Variants in COL4A6 observed in about 807,000 individuals in gnomAD.
COL4A6 encodes collagen alpha-6(IV) chain.
In COL4A6, 59 loss-of-function variants were observed where a neutral mutation model predicts 126.7. That is an observed-to-expected ratio of 0.47 (90% CI 0.38 to 0.58). The LOEUF is 0.58. Ranked by LOEUF, COL4A6 falls within the 20% of genes least tolerant of loss-of-function variation. The pLI, the probability that COL4A6 is intolerant of heterozygous loss-of-function variation, is 0.00. For missense variants in COL4A6, 1,285 were observed against 1,337.3 expected, an observed-to-expected ratio of 0.96 and a Z score of 0.61; for synonymous variants, 547 against 496.6, an observed-to-expected ratio of 1.10 and a Z score of -1.35.
At chrX:108,416,267 A>G (rs917310028) in intron 2 of COL4A6, among the ~76,000 whole-genome samples, 1 of 111,717 alleles carries the variant, frequency 9.0e-6, no homozygotes, top group African/African-American at 3.3e-5. Context: ...ATGGAATAAT[A>G]ATATTATTTA....
intron 6 of COL4A6, chrX:108,213,804 T>C (rs2035778452): frequency 4.1e-6 from 1 of 246,256 alleles, no homozygotes; most frequent in Admixed American, 7.0e-5. Context: ...TGTGGGACCA[T>C]GTCAAATAGC....
At chrX:108,383,191 TAC>T (rs2040602150) in intron 2 of COL4A6, among the ~76,000 whole-genome samples, 1 of 110,188 alleles carries the variant, frequency 9.1e-6, no homozygotes. Context: ...CTGACCCAAC[TAC>T]AGAGTTATAA....
chrX:108,390,097 C>A (rs2040800672), intron 2 of COL4A6, among the ~76,000 whole-genome samples: 1 of 111,982 alleles, frequency 8.9e-6, no homozygotes, highest in Non-Finnish European at 1.9e-5. Context: ...CAGAGATACC[C>A]ACTTTTAGTC....
rs748759812 is a variant in COL4A6, at chrX:108,244,004, T to C, written c.145-22630A>G. Among the ~76,000 whole-genome samples, 5 of 112,206 alleles carry C rather than the reference T, an allele frequency of 4.5e-5. No individual in the cohort carries two copies. In the East Asian group the frequency reaches 1.4e-3, roughly 32 times the overall value. On this transcript the variant is annotated intron_variant, in intron 3 of 44. Coordinates refer to ENST00000334504, the MANE Select transcript of COL4A6 (RefSeq NM_033641.4). ...TTAGTTCTCTTCAGGAGAAACACTG[T>C]GGACAATGTTATTATTTGTATTTTC... is the stretch of plus-strand genomic sequence containing the variant.
Position 108,221,103 on chromosome X carries a change from A to C in COL4A6, c.279+137T>G, listed in dbSNP as rs374211560. ...ACAGGGCGAGACTCTGTCTCAAAAA[A>C]AAAAATGCAGAAATGCAGCCTGGCA... On this transcript the variant is annotated intron_variant, in intron 4 of 44. Coordinates refer to ENST00000334504, the MANE Select transcript of COL4A6 (RefSeq NM_033641.4). 3.1e-5 allele frequency: 28 copies of C among 914,944 alleles called. No individual in the cohort carries two copies. The African/African-American group carries it at 5.4e-4, about 18-fold the overall frequency. The allele number at this position is 914,944 out of a possible 1,213,427, so 75.4% of individuals were successfully genotyped here.
chrX:108,392,326 C>T (rs1236522417), intron 2 of COL4A6, among the ~76,000 whole-genome samples: 2 of 110,647 alleles, frequency 1.8e-5, no homozygotes, highest in Non-Finnish European at 3.8e-5. Flanking sequence ...GAAAAGATAA[C>T]CCACACAATG....
At chrX:108,292,307 A>G (rs780026825) in intron 3 of COL4A6, among the ~76,000 whole-genome samples, 4 of 112,444 alleles carry the variant, frequency 3.6e-5, no homozygotes, top group Non-Finnish European at 7.5e-5. Context: ...ACATATTTTC[A>G]TCTTCCAAAG....
chrX:108,351,436 CTCTCTCTG>C (rs1291779846), intron 2 of COL4A6, among the ~76,000 whole-genome samples: 953 of 82,231 alleles, frequency 0.012, 13 homozygotes, highest in African/African-American at 0.045. Flanking sequence ...AGGTAACTCT[CTCTCTCTG>C]TGTGTGTGTG....
At chrX:108,352,082 C>G (rs188224361) in intron 2 of COL4A6, among the ~76,000 whole-genome samples, 1 of 112,887 alleles carries the variant, frequency 8.9e-6, no homozygotes, top group Non-Finnish European at 1.9e-5. Context: ...CTGCCTGCGG[C>G]CTTTTCTTTG....
Position 108,344,866 on chromosome X carries a change from T to G in COL4A6, c.64-34038A>C, listed in dbSNP as rs191730860. Among the ~76,000 whole-genome samples the G allele has an allele frequency of 6.1e-4, 68 of 111,859 alleles. 1 individual carries two copies. In the Admixed American group the frequency reaches 6.4e-3, roughly 11 times the overall value. On this transcript the variant is annotated intron_variant, in intron 2 of 44. Coordinates refer to ENST00000334504, the MANE Select transcript of COL4A6 (RefSeq NM_033641.4). ...AAGAATCCAGATATAAATTCAAATA[T>G]TTGAGTGGATATGACTTATATTTCC...
chrX:108,298,360 G>A (rs1430306787), intron 3 of COL4A6, among the ~76,000 whole-genome samples: 5 of 112,640 alleles, frequency 4.4e-5, no homozygotes, highest in Non-Finnish European at 9.4e-5. Flanking sequence ...GTGGGGCGGC[G>A]GGTCAGACAG....
At chrX:108,408,897 G>A (rs2041269074) in intron 2 of COL4A6, among the ~76,000 whole-genome samples, 1 of 111,945 alleles carries the variant, frequency 8.9e-6, no homozygotes, top group Non-Finnish European at 1.9e-5. Flanking sequence ...GGAGGCAGAG[G>A]TTGTGGTGAG....
intron 32 of COL4A6, 39 bp from the exon 33 acceptor site, chrX:108,171,500 G>T: frequency 9.2e-7 from 1 of 1,090,960 alleles, no homozygotes; most frequent in Non-Finnish European, 1.3e-6. Context: ...GCCAGGAGAA[G>T]CTATAGCTCA....
chrX:108,164,560 C>G, intron 40 of COL4A6, 40 bp downstream of exon 40: 1 of 1,162,670 alleles, frequency 8.6e-7, no homozygotes, highest in Non-Finnish European at 1.2e-6. Context: ...AGGCCCCTCC[C>G]TCGAGCTCTG....
chrX:108,357,761 C>G (rs1207646610), intron 2 of COL4A6, among the ~76,000 whole-genome samples: 3 of 110,505 alleles, frequency 2.7e-5, no homozygotes, highest in East Asian at 5.7e-4. Context: ...CCCTCTCCCC[C>G]TTCTCTTGGA....
At chrX:108,182,619 C>A (rs1360563595) in intron 23 of COL4A6, among the ~76,000 whole-genome samples, 1 of 112,054 alleles carries the variant, frequency 8.9e-6, no homozygotes, top group Non-Finnish European at 1.9e-5. Flanking sequence ...GGGTTTTCAA[C>A]CTTGTGCTTG....
Position 108,187,976 on chromosome X carries a change from G to C in COL4A6, c.1639C>G (p.Pro547Ala). ...ATTCCTTGGATTGTACTGAGAATTG[G>C]TTCCCCCTTCTTTCCTTTGGGTCCT... ...PSGPKGKKGE[P>A]ILSTIQGMPG... Residue 547 changes from proline (P) to alanine (A), a missense_variant, in exon 22 of 45, where the codon CCA becomes GCA. Coordinates refer to ENST00000334504, the MANE Select transcript of COL4A6 (RefSeq NM_033641.4). 8.3e-7 allele frequency: 1 copy of C among 1,204,264 alleles called. No homozygotes were observed. The highest frequency in any genetic ancestry group is 1.1e-6 in the Non-Finnish European group (1 of 890,839).
intron 3 of COL4A6, among the ~76,000 whole-genome samples, chrX:108,282,527 G>A (rs953179780): frequency 1.8e-5 from 2 of 111,353 alleles, no homozygotes; most frequent in South Asian, 3.8e-4. Context: ...GGAGAAATAC[G>A]AACAGTTTTA....
intron 23 of COL4A6, among the ~76,000 whole-genome samples, chrX:108,181,185 T>C (rs1160034085): frequency 8.9e-6 from 1 of 112,380 alleles, no homozygotes; most frequent in Non-Finnish European, 1.9e-5. Flanking sequence ...GTCCAAGTGC[T>C]AGGATATCAC....
Sources: allele counts gnomAD v4.1 joint callset (sites outside exome capture counted in the v4.1 genomes callset), GRCh38; gene constraint gnomAD v4.1.1; transcripts MANE v1.5; gene names NCBI Gene and HGNC (gene_info 2026-07-23, HGNC 2026-07-21).